The following GTF2A1 variants were observed in gnomAD, a reference collection of about 807,000 sequenced individuals.
GTF2A1 encodes the protein general transcription factor IIA subunit 1.
GTF2A1 carries 12 observed loss-of-function variants against 54.1 expected under a neutral mutation model. That is an observed-to-expected ratio of 0.22 (90% CI 0.14 to 0.36). GTF2A1 has a LOEUF of 0.36. Among genes scored for constraint, GTF2A1 ranks in the 10% least tolerant of loss-of-function variants. GTF2A1 has a pLI of 1.00. For missense variants in GTF2A1, 335 were observed against 442.2 expected, an observed-to-expected ratio of 0.76 and a Z score of 2.17; for synonymous variants, 145 against 152.0, an observed-to-expected ratio of 0.95 and a Z score of 0.34.
At chr14:81,198,926 A>G (rs2140159206) in intron 4 of GTF2A1, among the ~76,000 whole-genome samples, 1 of 152,280 alleles carries the variant, frequency 6.6e-6, no homozygotes, top group African/African-American at 2.4e-5. Flanking sequence ...AACCTAAGTA[A>G]TTTCTACATC....
At chr14:81,215,030 G>A (rs188862763) in intron 2 of GTF2A1, among the ~76,000 whole-genome samples, 2 of 152,174 alleles carry the variant, frequency 1.3e-5, no homozygotes, top group African/African-American at 4.8e-5. Context: ...CCATATAACT[G>A]TGAACTTTTC....
intron 8 of GTF2A1, among the ~76,000 whole-genome samples, chr14:81,183,214 T>C (rs924439588): frequency 6.6e-6 from 1 of 152,190 alleles, no homozygotes; most frequent in African/African-American, 2.4e-5. Context: ...ATAAACAGTA[T>C]CTGTTGCACA....
chr14:81,199,355 A>G (rs1439133958), intron 4 of GTF2A1, among the ~76,000 whole-genome samples: 1 of 152,190 alleles, frequency 6.6e-6, no homozygotes, highest in Non-Finnish European at 1.5e-5. Context: ...GTATTCCACA[A>G]AACAGCCCAA....
chr14:81,193,612 T>A (rs1311080296), intron 6 of GTF2A1, among the ~76,000 whole-genome samples: 1 of 152,232 alleles, frequency 6.6e-6, no homozygotes, highest in Non-Finnish European at 1.5e-5. Flanking sequence ...TAAAAAGTAC[T>A]GATACCTTGG....
At chr14:81,207,413 A>G (rs1371513365) in intron 2 of GTF2A1, among the ~76,000 whole-genome samples, 1 of 152,144 alleles carries the variant, frequency 6.6e-6, no homozygotes, top group African/African-American at 2.4e-5. Flanking sequence ...TACCGCCATG[A>G]TTTTGAGGCC....
intron 2 of GTF2A1, among the ~76,000 whole-genome samples, chr14:81,214,580 A>G (rs1893445259): frequency 6.6e-6 from 1 of 151,924 alleles, no homozygotes; most frequent in African/African-American, 2.4e-5. Context: ...AGGGAGGCAA[A>G]GCTTGCAGTG....
chr14:81,208,075 T>C (rs184636879), intron 2 of GTF2A1, among the ~76,000 whole-genome samples: 2 of 152,314 alleles, frequency 1.3e-5, no homozygotes, highest in East Asian at 1.9e-4. Flanking sequence ...AGAAGCCTAA[T>C]GTTAATCTCC....
chr14:81,210,989 A>C (rs2140038199), intron 2 of GTF2A1, among the ~76,000 whole-genome samples: 1 of 152,342 alleles, frequency 6.6e-6, no homozygotes, highest in Non-Finnish European at 1.5e-5. Context: ...TATTGTGTTG[A>C]CTAATAACTA....
intron 7 of GTF2A1, among the ~76,000 whole-genome samples, chr14:81,189,868 CAG>C (rs1436359509): frequency 2.6e-5 from 4 of 152,122 alleles, no homozygotes; most frequent in African/African-American, 9.7e-5. Flanking sequence ...ACACATCACA[CAG>C]ATCATATTCT....
intron 7 of GTF2A1, 83 bp from the exon 8 acceptor site, chr14:81,185,703 T>C (rs977368594): frequency 2.9e-6 from 2 of 693,526 alleles, no homozygotes; most frequent in Non-Finnish European, 2.5e-6. Context: ...CTTGATGTTC[T>C]TTGAGAACCA....
chr14:81,209,547 C>T (rs565582588), intron 2 of GTF2A1, among the ~76,000 whole-genome samples: 7 of 152,228 alleles, frequency 4.6e-5, no homozygotes, highest in African/African-American at 9.6e-5. Flanking sequence ...ACTACCCTAT[C>T]GAGCCAGACT....
chr14:81,212,190 CATTTG>C (rs1457138393), intron 2 of GTF2A1, among the ~76,000 whole-genome samples: 1 of 152,082 alleles, frequency 6.6e-6, no homozygotes. Context: ...CAACTCTTCT[CATTTG>C]TTTTATTAAA....
rs149204767 is a variant in GTF2A1 at position 81,193,314 on chromosome 14, G to C, written c.613-475C>G. Among the ~76,000 whole-genome samples the C allele has an allele frequency of 5.3e-3, 802 of 151,918 alleles. 9 individuals are homozygous for C. The highest frequency in any genetic ancestry group is 0.019 in the African/African-American group (779 of 41,386). On this transcript the variant is annotated intron_variant, in intron 6 of 8. Transcript: ENST00000553612. ...CCTGAGTAGCTGGGACTACAGGTGC[G>C]CGCCACCATGCCCGGCTAATTTTGT...
intron 7 of GTF2A1, among the ~76,000 whole-genome samples, chr14:81,186,308 T>C (rs560428897): frequency 6.6e-6 from 1 of 152,172 alleles, no homozygotes; most frequent in Non-Finnish European, 1.5e-5. Context: ...GTGGAGAAAT[T>C]AGAGGAGAAA....
intron 7 of GTF2A1, among the ~76,000 whole-genome samples, chr14:81,189,562 TC>T (rs1892828821): frequency 6.6e-6 from 1 of 151,930 alleles, no homozygotes; most frequent in South Asian, 2.1e-4. Flanking sequence ...TCCCAGCTAC[TC>T]AGGAGGCTGA....
At chr14:81,207,391 G>A (rs1402181069) in intron 2 of GTF2A1, among the ~76,000 whole-genome samples, 2 of 152,124 alleles carry the variant, frequency 1.3e-5, no homozygotes, top group African/African-American at 4.8e-5. Flanking sequence ...CACGTAAGAA[G>A]AGCCTTTCAC....
chr14:81,212,887 T>A (rs1325026706), intron 2 of GTF2A1, among the ~76,000 whole-genome samples: 2 of 152,202 alleles, frequency 1.3e-5, no homozygotes. Flanking sequence ...AACACTTTCA[T>A]CACTGCAGAA....
chr14:81,191,342 AT>A (rs1892872097), intron 7 of GTF2A1, among the ~76,000 whole-genome samples: 1 of 152,170 alleles, frequency 6.6e-6, no homozygotes, highest in African/African-American at 2.4e-5. Flanking sequence ...AACCTCTTGC[AT>A]TTGTGTCCCC....
chr14:81,215,216 T>C, intron 2 of GTF2A1, among the ~76,000 whole-genome samples: 1 of 152,260 alleles, frequency 6.6e-6, no homozygotes, highest in Admixed American at 6.5e-5. Context: ...AGTCCTCATC[T>C]TTTTAATATT....
Sources: gnomAD v4.1 joint callset for allele counts (sites outside exome capture counted in the v4.1 genomes callset) on GRCh38, gnomAD v4.1.1 for gene constraint, MANE v1.5 for transcripts, NCBI Gene and HGNC (gene_info 2026-07-23, HGNC 2026-07-21) for gene names.